The following ZFHX3 variants were observed in gnomAD, a reference collection of about 807,000 sequenced individuals.
ZFHX3 encodes the protein zinc finger homeobox protein 3.
ZFHX3 carries 42 observed loss-of-function variants against 279.1 expected under a neutral mutation model. The ratio of observed to expected loss-of-function variants is 0.15; its 90% CI spans 0.12 to 0.19. ZFHX3 has a LOEUF of 0.19. Ranked by LOEUF, ZFHX3 falls within the 10% of genes least tolerant of loss-of-function variation. ZFHX3 has a pLI of 1.00. For missense variants in ZFHX3, 4,981 were observed against 4,754.0 expected, an observed-to-expected ratio of 1.05 and a Z score of -1.40; for synonymous variants, 2,293 against 1,957.8, an observed-to-expected ratio of 1.17 and a Z score of -4.52.
At chr16:73,734,013 A>G (rs918324507) in intron 1 of ZFHX3, among the ~76,000 whole-genome samples, 3 of 152,162 alleles carry the variant, frequency 2.0e-5, no homozygotes, top group African/African-American at 7.2e-5. Context: ...AGGTTTCGGT[A>G]TGAAACTATT....
intron 4 of ZFHX3, among the ~76,000 whole-genome samples, chr16:72,888,042 A>G (rs575913862): frequency 1.2e-4 from 18 of 152,126 alleles, no homozygotes; most frequent in Non-Finnish European, 1.8e-4. Flanking sequence ...GGTAACATCT[A>G]AAACTTAAAA....
intron 4 of ZFHX3, among the ~76,000 whole-genome samples, chr16:73,269,897 C>A (rs1017824896): frequency 6.6e-6 from 1 of 151,948 alleles, no homozygotes; most frequent in Non-Finnish European, 1.5e-5. Context: ...AAGAGGTGTG[C>A]GCCACCATGC....
At chr16:73,465,931 C>T (rs556040997) in intron 2 of ZFHX3, among the ~76,000 whole-genome samples, 28 of 152,118 alleles carry the variant, frequency 1.8e-4, no homozygotes, top group African/African-American at 6.7e-4. Flanking sequence ...ACAACCCCCA[C>T]TCCCACCCCA....
At chr16:73,134,331 CTTTTTTTTTTTTTTT>C (rs58052486) in intron 6 of ZFHX3, among the ~76,000 whole-genome samples, 17 of 50,318 alleles carry the variant, frequency 3.4e-4, no homozygotes, top group African/African-American at 1.2e-3. Flanking sequence ...CTCCCCACCT[CTTTTTTTTTTTTTTT>C]TTTTTTTTTT....
intron 1 of ZFHX3, among the ~76,000 whole-genome samples, chr16:73,863,852 C>G (rs1300484776): frequency 6.6e-6 from 1 of 152,182 alleles, no homozygotes; most frequent in Non-Finnish European, 1.5e-5. Flanking sequence ...CATCTTTTCA[C>G]AGTCATAATT....
chr16:72,959,450 G>A lies in ZFHX3; in HGVS notation c.696C>T (p.Arg232=), dbSNP rs917672247. The stretch of plus-strand genomic sequence containing the variant: ...TGCTTTTGTGTCGCACGTCAAACAC[G>A]CGGAAGCTGTGCAGGACGGGGCTGA... ...AGLSPVLHSF[R]VFDVRHKSNK... The change falls in exon 2 of 10, where the codon CGC becomes CGT. Residue 232 remains arginine, a synonymous_variant. Transcript: ENST00000268489. The A allele has an allele frequency of 1.5e-5, 25 of 1,614,138 alleles. No homozygotes were observed. The highest frequency in any genetic ancestry group is 9.9e-5 in the South Asian group (9 of 91,090).
At chr16:73,378,346 C>T (rs1201499195) in intron 3 of ZFHX3, among the ~76,000 whole-genome samples, 1 of 152,112 alleles carries the variant, frequency 6.6e-6, no homozygotes, top group African/African-American at 2.4e-5. Flanking sequence ...CATTCATCCC[C>T]ACCAAATGAT....
intron 1 of ZFHX3, among the ~76,000 whole-genome samples, chr16:73,877,380 C>A (rs2029987112): frequency 6.6e-6 from 1 of 152,038 alleles, no homozygotes; most frequent in South Asian, 2.1e-4. Flanking sequence ...ATTCTGAAAT[C>A]TTACCAAATG....
rs780352785 is a variant in ZFHX3, at chr16:72,959,957, C to G, written c.189G>C (p.Glu63Asp). The stretch of plus-strand genomic sequence containing the variant: ...AGGGGGGCCCGGCCGACGCGGTGCT[C>G]TCCGCGAGGCGCTCATTGAAGGGGG... ...LRAPFNERLA[E>D]STASAGPPSE... Residue 63 changes from glutamate (E) to aspartate (D), a missense_variant, in exon 2 of 10, where the codon GAG (glutamate) becomes GAC (aspartate). By Grantham distance (45) the Glu-to-Asp change is conservative. Around this residue, in one of 7 missense-constraint regions of ZFHX3, gnomAD observed 1,068 missense variants for 935.2 expected, o/e 1.14. Coordinates refer to ENST00000268489, the MANE Select transcript of ZFHX3 (RefSeq NM_006885.4). The G allele has an allele frequency of 1.2e-6, 2 of 1,607,180 alleles. No homozygotes were observed. Among genetic ancestry groups the G allele is most frequent in the South Asian group, 1.1e-5 (1 of 90,148 alleles).
intron 2 of ZFHX3, among the ~76,000 whole-genome samples, chr16:73,595,791 C>G (rs540720387): frequency 6.6e-6 from 1 of 152,088 alleles, no homozygotes; most frequent in African/African-American, 2.4e-5. Context: ...GTCTCTAACT[C>G]ACCGAACTAG....
chr16:73,783,995 A>G (rs1027582513), intron 1 of ZFHX3, among the ~76,000 whole-genome samples: 2 of 152,124 alleles, frequency 1.3e-5, no homozygotes, highest in African/African-American at 4.8e-5. Context: ...AGGAAAGGAG[A>G]CAGAAGGGAA....
intron 1 of ZFHX3, among the ~76,000 whole-genome samples, chr16:73,775,317 T>A (rs533153963): frequency 3.5e-4 from 54 of 152,302 alleles, no homozygotes; most frequent in Admixed American, 3.0e-3. Context: ...AGTGAGGCCA[T>A]CCTATTGTAG....
chr16:73,657,929 A>T (rs1239478187), intron 2 of ZFHX3, among the ~76,000 whole-genome samples: 1 of 152,224 alleles, frequency 6.6e-6, no homozygotes, highest in Admixed American at 6.5e-5. Flanking sequence ...CAGTTTTTCT[A>T]TGAACACTTA....
chr16:72,896,957 A>G (rs2038916038), intron 3 of ZFHX3, among the ~76,000 whole-genome samples: 1 of 152,250 alleles, frequency 6.6e-6, no homozygotes, highest in Non-Finnish European at 1.5e-5. Flanking sequence ...CCCTCTCGGC[A>G]CACTGTGCTG....
At chr16:73,695,240 T>G (rs1205163336) in intron 1 of ZFHX3, among the ~76,000 whole-genome samples, 1 of 79,326 alleles carries the variant, frequency 1.3e-5, no homozygotes, top group Non-Finnish European at 3.0e-5. Context: ...CAGTTTTTTT[T>G]TGTTTTTTTT....
At chr16:73,731,801 G>T (rs1478298986) in intron 1 of ZFHX3, among the ~76,000 whole-genome samples, 1 of 152,130 alleles carries the variant, frequency 6.6e-6, no homozygotes, top group Non-Finnish European at 1.5e-5. Flanking sequence ...GCATCATTTA[G>T]GCTTAAATTG....
At chr16:72,800,349 T>C (rs978164337) in intron 7 of ZFHX3, among the ~76,000 whole-genome samples, 8 of 152,352 alleles carry the variant, frequency 5.3e-5, no homozygotes, top group Admixed American at 1.3e-4. Context: ...CAGTGCACAC[T>C]TGAAGAATAA....
chr16:73,462,416 A>G (rs1045863288), intron 2 of ZFHX3, among the ~76,000 whole-genome samples: 2 of 152,030 alleles, frequency 1.3e-5, no homozygotes, highest in Non-Finnish European at 2.9e-5. Flanking sequence ...TCTTTTTATG[A>G]CCTTAACACA....
At chr16:73,534,760 G>A (rs1203408898) in intron 2 of ZFHX3, among the ~76,000 whole-genome samples, 2 of 152,202 alleles carry the variant, frequency 1.3e-5, no homozygotes, top group Non-Finnish European at 2.9e-5. Context: ...TTGCCAAATT[G>A]TGTGTCTGAG....
Sources: gnomAD v4.1 joint callset for allele counts (sites outside exome capture counted in the v4.1 genomes callset) on GRCh38, gnomAD v4.1.1 for gene constraint, gnomAD v4.1.1 regional missense constraint, MANE v1.5 for transcripts, NCBI Gene and HGNC (gene_info 2026-07-23, HGNC 2026-07-21) for gene names.